The following CORO2B variants were observed in gnomAD, a reference collection of about 807,000 sequenced individuals.
CORO2B encodes coronin 2B, also known as coronin-2B.
A neutral mutation model predicts 58.8 loss-of-function variants in CORO2B; 26 were observed. The observed-to-expected ratio is 0.44, with a 90% CI of 0.32 to 0.61. The LOEUF (loss-of-function observed/expected upper bound fraction) is 0.61, where lower values mean the gene tolerates loss of function less well. Among genes scored for constraint, CORO2B ranks in the 20% least tolerant of loss-of-function variants. The probability of loss-of-function intolerance (pLI) is 0.04; values close to 1 mark genes in which losing one functional copy is unlikely to be tolerated. For synonymous variants in CORO2B, 242 were observed against 253.8 expected, an observed-to-expected ratio of 0.95 and a Z score of 0.44; for missense variants, 460 against 645.1, an observed-to-expected ratio of 0.71 and a Z score of 3.11.
intron 2 of CORO2B, among the ~76,000 whole-genome samples, chr15:68,674,745 G>T (rs1902519638): frequency 6.6e-6 from 1 of 152,192 alleles, no homozygotes; most frequent in Non-Finnish European, 1.5e-5. Context: ...GTAAGAGTTT[G>T]CCCTGATCCC....
chr15:68,560,486 A>T, the CORO2B span, among the ~76,000 whole-genome samples: 1 of 151,492 alleles, frequency 6.6e-6, no homozygotes, highest in African/African-American at 2.4e-5. Context: ...TTTTGTAGAA[A>T]CGGGGTCTCA....
intron 2 of CORO2B, among the ~76,000 whole-genome samples, chr15:68,656,472 C>T (rs1901811335): frequency 6.6e-6 from 1 of 151,970 alleles, no homozygotes; most frequent in Non-Finnish European, 1.5e-5. Context: ...TAGATGGAGA[C>T]ACTGAGGCCC....
intron 1 of CORO2B, among the ~76,000 whole-genome samples, chr15:68,618,527 G>A (rs766903498): frequency 3.9e-5 from 6 of 152,254 alleles, no homozygotes; most frequent in East Asian, 1.9e-4. Context: ...GCTGGGAGGC[G>A]TGAGTGCGCA....
chr15:68,532,699 C>A, the CORO2B span, among the ~76,000 whole-genome samples: 1 of 152,274 alleles, frequency 6.6e-6, no homozygotes, highest in African/African-American at 2.4e-5. Flanking sequence ...TTTAATTAAA[C>A]TTTAGCTTAA....
the CORO2B span, chr15:68,559,555 G>C: frequency 1.0e-6 from 1 of 984,662 alleles, no homozygotes; most frequent in Non-Finnish European, 1.2e-6. The surrounding 1 kb of genome is among the most constrained non-coding windows in gnomAD (Gnocchi z 4.3). Flanking sequence ...GTGCCAAGCC[G>C]GCCCGCTGGA....
At chr15:68,624,923 C>T (rs1900633726) in intron 1 of CORO2B, among the ~76,000 whole-genome samples, 1 of 152,178 alleles carries the variant, frequency 6.6e-6, no homozygotes, top group African/African-American at 2.4e-5. Flanking sequence ...CCTCATGATA[C>T]ACCCACCTTG....
chr15:68,572,236 T>C, the CORO2B span, among the ~76,000 whole-genome samples: 1 of 152,044 alleles, frequency 6.6e-6, no homozygotes, highest in Non-Finnish European at 1.5e-5. Flanking sequence ...GAGGGAAGAG[T>C]GCAGGAAGTC....
At chr15:68,653,655 A>G (rs753334240) in intron 2 of CORO2B, among the ~76,000 whole-genome samples, 48 of 152,198 alleles carry the variant, frequency 3.2e-4, no homozygotes, top group Non-Finnish European at 5.9e-4. Context: ...TTGGTGGATC[A>G]TTTAGCTCCA....
At chr15:68,596,139 T>C (rs1418104262) in intron 1 of CORO2B, among the ~76,000 whole-genome samples, 1 of 151,978 alleles carries the variant, frequency 6.6e-6, no homozygotes, top group Non-Finnish European at 1.5e-5. Flanking sequence ...CTTTTAGTAG[T>C]AAAGAGATGC....
intron 1 of CORO2B, among the ~76,000 whole-genome samples, chr15:68,603,190 G>A (rs79966394): frequency 0.019 from 2,917 of 152,250 alleles, 30 homozygotes; most frequent in Non-Finnish European, 0.029. Flanking sequence ...ACACGCCATG[G>A]AAGTCCCAGG....
At chr15:68,580,697 G>A (rs540263475) in intron 1 of CORO2B, among the ~76,000 whole-genome samples, 1 of 152,262 alleles carries the variant, frequency 6.6e-6, no homozygotes, top group African/African-American at 2.4e-5. Flanking sequence ...ATTCAGCTGG[G>A]AGGGATATTA....
chr15:68,626,644 A>G (rs567769493), intron 1 of CORO2B, among the ~76,000 whole-genome samples: 1 of 152,334 alleles, frequency 6.6e-6, no homozygotes, highest in Non-Finnish European at 1.5e-5. Flanking sequence ...CACTGCTTCT[A>G]GAGCAGTGGC....
chr15:68,715,253 G>A lies in CORO2B; in HGVS notation c.909G>A (p.Glu303=), dbSNP rs187702679. 27 of 1,614,126 alleles carry A rather than the reference G, an allele frequency of 1.7e-5. No individual in the cohort carries two copies. The East Asian group carries it at 4.0e-4, about 24-fold the overall frequency. ...TCCGGTACTACGAGATCAGCACTGA[G>A]AAGCCCTACCTGAGTTACCTCATGG... ...GNIRYYEIST[E]KPYLSYLMEF... The change falls in exon 8 of 12, where the codon GAG becomes GAA. Residue 303 remains glutamate, a synonymous_variant. Transcript: ENST00000261861.
intron 3 of CORO2B, among the ~76,000 whole-genome samples, chr15:68,701,532 C>T (rs1892650189): frequency 7.8e-6 from 1 of 129,028 alleles, no homozygotes; most frequent in African/African-American, 2.9e-5. Context: ...GTCGCCCAGG[C>T]TGGAGTGCAG....
intron 1 of CORO2B, among the ~76,000 whole-genome samples, chr15:68,611,985 G>C (rs1021729011): frequency 1.3e-5 from 2 of 152,048 alleles, no homozygotes; most frequent in Non-Finnish European, 2.9e-5. Flanking sequence ...TGCCCAGACT[G>C]GTCTCAAACT....
At chr15:68,552,626 G>T in the CORO2B span, among the ~76,000 whole-genome samples, 1 of 152,122 alleles carries the variant, frequency 6.6e-6, no homozygotes, top group Admixed American at 6.5e-5. Context: ...CTCCCCCATT[G>T]CAGACTGCCT....
chr15:68,686,923 A>T (rs1430605018), intron 2 of CORO2B, among the ~76,000 whole-genome samples: 1 of 152,148 alleles, frequency 6.6e-6, no homozygotes, highest in Non-Finnish European at 1.5e-5. Flanking sequence ...GAAAATAAAA[A>T]AATGAAAAAA....
At chr15:68,556,911 A>C in the CORO2B span, among the ~76,000 whole-genome samples, 136 of 152,076 alleles carry the variant, frequency 8.9e-4, no homozygotes, top group Non-Finnish European at 4.1e-4. Context: ...ACTCACGAGA[A>C]TCTTCCTCCC....
At chr15:68,621,823 C>A (rs1900530663) in intron 1 of CORO2B, among the ~76,000 whole-genome samples, 1 of 148,320 alleles carries the variant, frequency 6.7e-6, no homozygotes, top group Admixed American at 6.8e-5. Flanking sequence ...GTGGTGCAAT[C>A]ATGGGTCACT....
Sources: allele counts gnomAD v4.1 joint callset (sites outside exome capture counted in the v4.1 genomes callset), GRCh38; gene constraint gnomAD v4.1.1; non-coding constraint Gnocchi (gnomAD v3.1); transcripts MANE v1.5; gene names NCBI Gene and HGNC (gene_info 2026-07-23, HGNC 2026-07-21).